The following GALNT10 variants were observed in gnomAD, a reference collection of about 807,000 sequenced individuals.
The protein encoded by GALNT10 is GalNAc transferase 10.
Under a neutral mutation model 75.0 loss-of-function variants are expected in GALNT10, and 41 were observed. The ratio of observed to expected loss-of-function variants is 0.55; its 90% CI spans 0.43 to 0.71. The LOEUF is 0.71. Among genes scored for constraint, GALNT10 ranks in the 30% least tolerant of loss-of-function variants. The probability of loss-of-function intolerance (pLI) is 0.00; values close to 1 mark genes in which losing one functional copy is unlikely to be tolerated. For synonymous variants in GALNT10, 302 were observed against 313.0 expected, an observed-to-expected ratio of 0.96 and a Z score of 0.37; for missense variants, 727 against 818.5, an observed-to-expected ratio of 0.89 and a Z score of 1.36.
chr5:154,338,680 T>C (rs550678199), intron 4 of GALNT10, among the ~76,000 whole-genome samples: 24 of 152,340 alleles, frequency 1.6e-4, no homozygotes, highest in Non-Finnish European at 2.9e-4. Context: ...CATATGCAAC[T>C]TTGCATCCTG....
chr5:154,248,854 C>T (rs1452860399), intron 1 of GALNT10, among the ~76,000 whole-genome samples: 1 of 152,134 alleles, frequency 6.6e-6, no homozygotes, highest in African/African-American at 2.4e-5. Flanking sequence ...TCATGCTGGT[C>T]ATATAGAGGA....
chr5:154,346,326 G>A (rs1321549612), intron 4 of GALNT10, among the ~76,000 whole-genome samples: 4 of 152,142 alleles, frequency 2.6e-5, no homozygotes, highest in African/African-American at 9.7e-5. Flanking sequence ...CCAGAAATGA[G>A]ATTGCTGGAT....
intron 4 of GALNT10, among the ~76,000 whole-genome samples, chr5:154,357,763 G>A (rs1259054973): frequency 6.6e-6 from 1 of 152,132 alleles, no homozygotes; most frequent in Non-Finnish European, 1.5e-5. Context: ...CGCTGGAAGT[G>A]TGTGAGCCCC....
At chr5:154,255,289 A>G (rs1208546277) in intron 1 of GALNT10, among the ~76,000 whole-genome samples, 1 of 152,124 alleles carries the variant, frequency 6.6e-6, no homozygotes. Flanking sequence ...TATGTGAGGG[A>G]AATCTGGTAC....
At position 154,317,509 on chromosome 5, in the gene GALNT10, C is replaced by T. The variant is rs934569560; in HGVS notation, c.402-12063C>T. 2.0e-5 allele frequency among the ~76,000 whole-genome samples: 3 copies of T among 152,148 alleles called. No homozygotes were observed. In the South Asian group the frequency reaches 6.2e-4, roughly 32 times the overall value. ...TGAGTTATCTCCCTTTCCTCCCAAT[C>T]CCATCATGGCCCTCTGCCCAGGTCA... On this transcript the variant is annotated intron_variant, in intron 3 of 11. Transcript: ENST00000297107.
intron 1 of GALNT10, among the ~76,000 whole-genome samples, chr5:154,228,067 G>A (rs557687112): frequency 6.6e-6 from 1 of 152,238 alleles, no homozygotes; most frequent in South Asian, 2.1e-4. Context: ...TCCATGTGAT[G>A]TGCCTGCTCC....
chr5:154,227,506 T>C (rs1178337192), intron 1 of GALNT10, among the ~76,000 whole-genome samples: 2 of 152,214 alleles, frequency 1.3e-5, no homozygotes, highest in African/African-American at 4.8e-5. Context: ...ATTTGGTTGT[T>C]GGTTTCTTAT....
At chr5:154,390,477 G>A (rs1313711831) in intron 7 of GALNT10, among the ~76,000 whole-genome samples, 1 of 152,212 alleles carries the variant, frequency 6.6e-6, no homozygotes, top group African/African-American at 2.4e-5. Flanking sequence ...TACGTTGGAG[G>A]AGTCTGAGAG....
In GALNT10 at chr5:154,416,514, C is replaced by CACACACACAT. The variant is rs1756514822; in HGVS notation, c.1654-296_1654-295insACACATACAC. 6.9e-6 allele frequency among the ~76,000 whole-genome samples: 1 copy of CACACACACAT among 144,398 alleles called. No homozygotes were observed. Among genetic ancestry groups the CACACACACAT allele is most frequent in the African/African-American group, 2.5e-5 (1 of 40,138 alleles). The allele number at this position is 144,398 out of a possible 152,430, so 94.7% of individuals were successfully genotyped here. On this transcript the variant is annotated intron_variant, in intron 11 of 11. Transcript: ENST00000297107. This position sits in a 1 kb window ranked among gnomAD's most constrained non-coding sequence, Gnocchi z 4.5. ...ACACACACACACACACACACACACA[C>CACACACACAT]ACACGATAAGGACCAGTGAGGTCTG...
chr5:154,254,232 T>C (rs775945201), intron 1 of GALNT10, among the ~76,000 whole-genome samples: 1 of 152,180 alleles, frequency 6.6e-6, no homozygotes, highest in Non-Finnish European at 1.5e-5. Context: ...TTTGGTTGTA[T>C]ATGTTGTTTT....
At chr5:154,311,910 T>G (rs1346133088) in intron 3 of GALNT10, among the ~76,000 whole-genome samples, 1 of 151,888 alleles carries the variant, frequency 6.6e-6, no homozygotes, top group African/African-American at 2.4e-5. Context: ...CCGTACCCGG[T>G]GGAGGGAAAC....
chr5:154,396,560 C>T (rs936514812), intron 7 of GALNT10, among the ~76,000 whole-genome samples: 2 of 152,138 alleles, frequency 1.3e-5, no homozygotes, highest in Admixed American at 6.5e-5. Flanking sequence ...ACCCCAGGTT[C>T]CATTTTGGGT....
At chr5:154,281,054 T>C (rs1369869890) in intron 1 of GALNT10, among the ~76,000 whole-genome samples, 1 of 152,184 alleles carries the variant, frequency 6.6e-6, no homozygotes, top group African/African-American at 2.4e-5. Context: ...TCCTCCAACT[T>C]TGCCCCTCTT....
intron 1 of GALNT10, among the ~76,000 whole-genome samples, chr5:154,250,945 T>A (rs1457774529): frequency 6.6e-6 from 1 of 152,198 alleles, no homozygotes; most frequent in African/African-American, 2.4e-5. Flanking sequence ...TGGAATATAC[T>A]CTGTTCATGA....
chr5:154,230,111 C>G (rs1753126139), intron 1 of GALNT10, among the ~76,000 whole-genome samples: 1 of 152,140 alleles, frequency 6.6e-6, no homozygotes, highest in African/African-American at 2.4e-5. Context: ...TGTGAATAGA[C>G]TTGTGTTGAG....
intron 10 of GALNT10, 141 bp downstream of exon 10, chr5:154,413,146 C>T: frequency 1.6e-6 from 1 of 631,812 alleles, no homozygotes; most frequent in Non-Finnish European, 2.8e-6. Flanking sequence ...GTTTTAAGAT[C>T]TTCCTGAACA....
At chr5:154,290,870 G>C (rs999595298) in intron 1 of GALNT10, among the ~76,000 whole-genome samples, 19 of 152,210 alleles carry the variant, frequency 1.2e-4, no homozygotes, top group Admixed American at 7.9e-4. Context: ...GAGCGGAGGT[G>C]TACTAATTGT....
chr5:154,232,440 A>G (rs1332810194), intron 1 of GALNT10, among the ~76,000 whole-genome samples: 1 of 152,218 alleles, frequency 6.6e-6, no homozygotes, highest in Admixed American at 6.5e-5. Context: ...GTGGTGAGAA[A>G]ACCATATATA....
chr5:154,267,205 C>A (rs147604435), intron 1 of GALNT10, among the ~76,000 whole-genome samples: 62 of 152,198 alleles, frequency 4.1e-4, no homozygotes, highest in African/African-American at 1.5e-3. Flanking sequence ...GTACGATTTG[C>A]AATATGGGAT....
Sources: gnomAD v4.1 joint callset for allele counts (sites outside exome capture counted in the v4.1 genomes callset) on GRCh38, gnomAD v4.1.1 for gene constraint, Gnocchi (gnomAD v3.1) non-coding constraint, MANE v1.5 for transcripts, NCBI Gene and HGNC (gene_info 2026-07-23, HGNC 2026-07-21) for gene names.